The following CHD2 variants were observed in gnomAD, a reference collection of about 807,000 sequenced individuals.
CHD2 encodes the protein chromodomain helicase DNA binding protein 2.
In CHD2, 28 loss-of-function variants were observed where a neutral mutation model predicts 243.9. The observed-to-expected ratio is 0.11, with a 90% CI of 0.09 to 0.16. The LOEUF (loss-of-function observed/expected upper bound fraction) is 0.16, where lower values mean the gene tolerates loss of function less well. Among genes scored for constraint, CHD2 ranks in the 10% least tolerant of loss-of-function variants. The pLI is 1.00. For missense variants in CHD2, 1,386 were observed against 2,209.8 expected, an observed-to-expected ratio of 0.63 and a Z score of 7.47; for synonymous variants, 775 against 779.0, an observed-to-expected ratio of 0.99 and a Z score of 0.09.
chr15:93,004,767 G>A lies in CHD2; in HGVS notation c.4413+16G>A. The A allele has an allele frequency of 3.1e-6, 5 of 1,605,624 alleles. No homozygotes were observed. Among genetic ancestry groups the A allele is most frequent in the Non-Finnish European group, 4.3e-6 (5 of 1,175,088 alleles). On this transcript the variant is annotated intron_variant, in intron 34 of 38. Transcript: ENST00000394196. ...ATTCAGCATAGTAAGTCTTGAAATC[G>A]GGGGGTGCCAGTGTCTGCAGCCGCG...
At chr15:92,936,916 A>G (rs1291696052) in intron 5 of CHD2, among the ~76,000 whole-genome samples, 1 of 152,072 alleles carries the variant, frequency 6.6e-6, no homozygotes, top group African/African-American at 2.4e-5. Flanking sequence ...CAGTGGCAAA[A>G]TCACAGCTGA....
At chr15:93,006,274 G>T (rs902887591) in intron 34 of CHD2, among the ~76,000 whole-genome samples, 1 of 151,774 alleles carries the variant, frequency 6.6e-6, no homozygotes, top group Non-Finnish European at 1.5e-5. Context: ...TTACAGATGC[G>T]CACCACCACA....
chr15:92,930,860 G>T (rs1377951617), intron 5 of CHD2, among the ~76,000 whole-genome samples: 1 of 152,086 alleles, frequency 6.6e-6, no homozygotes, highest in African/African-American at 2.4e-5. Context: ...CCTACCCTAG[G>T]GCTGTTCATA....
chr15:92,918,818 CATATACATAT>C (rs1237605027), intron 2 of CHD2, among the ~76,000 whole-genome samples: 1 of 151,322 alleles, frequency 6.6e-6, no homozygotes, highest in African/African-American at 2.4e-5. Context: ...CATATATACA[CATATACATAT>C]ATATACATAC....
intron 2 of CHD2, among the ~76,000 whole-genome samples, chr15:92,914,597 T>TAA (rs963920487): frequency 2.0e-5 from 3 of 152,234 alleles, no homozygotes; most frequent in African/African-American, 7.2e-5. Context: ...TTTCTGTCCT[T>TAA]ACTGCTGGAT....
chr15:92,980,515 C>T (rs2053966044), intron 22 of CHD2, among the ~76,000 whole-genome samples: 2 of 152,154 alleles, frequency 1.3e-5, no homozygotes, highest in South Asian at 4.1e-4. Flanking sequence ...TTATAACTTT[C>T]TGAGTAAAAG....
At chr15:92,913,246 C>T (rs755188026) in intron 2 of CHD2, among the ~76,000 whole-genome samples, 58 of 152,204 alleles carry the variant, frequency 3.8e-4, no homozygotes, top group African/African-American at 1.4e-3. Flanking sequence ...CTGTTCTGTT[C>T]TGCTGCTTTT....
chr15:92,932,400 G>A (rs111694727), intron 5 of CHD2, among the ~76,000 whole-genome samples: 8,883 of 148,470 alleles, frequency 0.06, 315 homozygotes, highest in Middle Eastern at 0.15. Context: ...CCGTTAACTC[G>A]TCATTTACAT....
intron 26 of CHD2, among the ~76,000 whole-genome samples, chr15:92,988,907 C>G (rs1376855355): frequency 4.6e-5 from 7 of 151,330 alleles, no homozygotes; most frequent in African/African-American, 1.7e-4. Context: ...TTTTTTAACT[C>G]TTGTAAATAT....
rs1402994574 is a variant in CHD2, at chr15:92,981,356, T to C, written c.2974-9T>C. The C allele has an allele frequency of 6.2e-7, 1 of 1,609,508 alleles. No homozygotes were observed. Among genetic ancestry groups the C allele is most frequent in the Non-Finnish European group, 8.5e-7 (1 of 1,176,120 alleles). On this transcript the variant is annotated splice_polypyrimidine_tract_variant and intron_variant, in intron 23 of 38. Transcript: ENST00000394196. ...TTTATTCTATTCGTGTTGGCTTTTG[T>C]TCTTTTAGGAAATGGATATAGATGA...
chr15:92,966,908 TC>T (rs2053772180), intron 16 of CHD2, among the ~76,000 whole-genome samples: 1 of 47,540 alleles, frequency 2.1e-5, no homozygotes, highest in African/African-American at 5.1e-5. Flanking sequence ...AGACTCTGTC[TC>T]AAAAAAAAAA....
intron 5 of CHD2, among the ~76,000 whole-genome samples, chr15:92,931,918 A>G (rs2053175221): frequency 6.8e-6 from 1 of 147,970 alleles, no homozygotes; most frequent in South Asian, 2.1e-4. Flanking sequence ...GCTGGGGTAC[A>G]GTGGCGCAAT....
chr15:92,924,896 G>A (rs923692650), intron 3 of CHD2, among the ~76,000 whole-genome samples: 1 of 152,110 alleles, frequency 6.6e-6, no homozygotes, highest in Non-Finnish European at 1.5e-5. Context: ...CGCCTCCCAG[G>A]TTCAAGTGAT....
At chr15:92,984,001 C>G (rs1184266870) in intron 24 of CHD2, among the ~76,000 whole-genome samples, 1 of 152,016 alleles carries the variant, frequency 6.6e-6, no homozygotes, top group Non-Finnish European at 1.5e-5. Flanking sequence ...CTAAATAAAT[C>G]TAAATTTTAT....
At position 92,943,033 on chromosome 15, in the gene CHD2, G is replaced by A. The variant is rs141957556; in HGVS notation, c.1017G>A (p.Glu339=). Reference sequence around the variant, plus strand: ...AAGTGAAGGGCCTAAAAAAACTAGAGAACTTCAAGAAAAAAGAGGACGAAA... The same window carrying A: ...AAGTGAAGGGCCTAAAAAAACTAGAAAACTTCAAGAAAAAAGAGGACGAAA... ...QQKVKGLKKL[E]NFKKKEDEIK... The change falls in exon 9 of 39, where the codon GAG becomes GAA. Residue 339 remains glutamate (E), a synonymous_variant. Coordinates refer to ENST00000394196, the MANE Select transcript of CHD2 (RefSeq NM_001271.4). 251 of 1,613,796 alleles carry A rather than the reference G, an allele frequency of 1.6e-4. 2 individuals carry two copies. The East Asian group carries it at 4.3e-3, about 28-fold the overall frequency.
At chr15:92,925,807 C>T (rs1311471728) in intron 3 of CHD2, among the ~76,000 whole-genome samples, 1 of 152,136 alleles carries the variant, frequency 6.6e-6, no homozygotes, top group Non-Finnish European at 1.5e-5. Context: ...AATCTGTGGA[C>T]TTTGGGTTAT....
intron 33 of CHD2, 145 bp from the exon 34 acceptor site, chr15:93,004,472 G>A (rs1641368832): frequency 1.4e-6 from 1 of 703,756 alleles, no homozygotes; most frequent in Middle Eastern, 4.3e-4. Context: ...TCTTCATGAT[G>A]TTTCAGGATT....
chr15:92,923,581 T>C (rs1176581529), intron 2 of CHD2, among the ~76,000 whole-genome samples: 3 of 145,672 alleles, frequency 2.1e-5, no homozygotes, highest in African/African-American at 5.0e-5. Flanking sequence ...TTTTTTTTTT[T>C]CTGGAGACCA....
rs1304471076 is a variant in CHD2 at position 92,983,616 on chromosome 15, G to T, written c.3067-714G>T. ...CTGTCCAGAGGTGGTAGATGTTTCT[G>T]TGTACTCCTCCTCTGGTTCTTTGAA... On this transcript the variant is annotated intron_variant, in intron 24 of 38. Transcript: ENST00000394196. 2.0e-5 allele frequency among the ~76,000 whole-genome samples: 3 copies of T among 152,298 alleles called. No individual in the cohort carries two copies. In the East Asian group the frequency reaches 5.8e-4, roughly 29 times the overall value.
Sources: allele counts gnomAD v4.1 joint callset (sites outside exome capture counted in the v4.1 genomes callset), GRCh38; gene constraint gnomAD v4.1.1; transcripts MANE v1.5; gene names NCBI Gene and HGNC (gene_info 2026-07-23, HGNC 2026-07-21).